The following CPQ variants were observed in gnomAD, a reference collection of about 807,000 sequenced individuals.
CPQ encodes the protein carboxypeptidase Q, also known as Ser-Met dipeptidase.
A neutral mutation model predicts 45.7 loss-of-function variants in CPQ; 37 were observed. That is an observed-to-expected ratio of 0.81 (90% confidence interval 0.62 to 1.07). The LOEUF (loss-of-function observed/expected upper bound fraction) is 1.07. CPQ is among the 50% of genes least tolerant of loss of function. CPQ has a pLI of 0.00. For synonymous variants in CPQ, 186 were observed against 205.8 expected (o/e 0.90, Z 0.82); for missense variants, 537 against 572.9 (o/e 0.94, Z 0.64).
chr8:96,663,762 TTG>T (rs1347156461), intron 1 of CPQ, among the ~76,000 whole-genome samples: 2 of 151,660 alleles, frequency 1.3e-5, no homozygotes, highest in Admixed American at 6.6e-5. Context: ...AGGTGTGTGT[TTG>T]TGTGTGTGTG....
chr8:97,117,478 GCTAGGAGAGACC>G (rs1365817564), intron 7 of CPQ, among the ~76,000 whole-genome samples: 2 of 152,060 alleles, frequency 1.3e-5, no homozygotes, highest in Non-Finnish European at 2.9e-5. Context: ...TTCCAATAGA[GCTAGGAGAGACC>G]CTAGAAATCA....
rs1554573253 is a variant in CPQ at position 96,854,557 on chromosome 8, A to AAAAAC, written c.641+19379_641+19380insAACAA. 3.5e-3 allele frequency among the ~76,000 whole-genome samples: 272 copies of AAAAAC among 76,876 alleles called. 48 individuals carry two copies. The highest frequency in any genetic ancestry group is 0.01 in the African/African-American group (205 of 20,034). The allele number at this position is 76,876 out of a possible 152,430, so 50.4% of individuals were successfully genotyped here. On this transcript the variant is annotated intron_variant, in intron 3 of 7. Coordinates refer to ENST00000220763, the MANE Select transcript of CPQ (RefSeq NM_016134.4). ...AAAAAAAAAAAAAAAAAAAAAAAAA[A>AAAAAC]AATGTGGTGGAACTAAAAGCCCAGT...
intron 2 of CPQ, among the ~76,000 whole-genome samples, chr8:96,809,787 T>A (rs949450364): frequency 6.6e-6 from 1 of 152,080 alleles, no homozygotes; most frequent in Admixed American, 6.6e-5. Context: ...AGTTCCCTCA[T>A]GAAAAAAATA....
intron 6 of CPQ, among the ~76,000 whole-genome samples, chr8:97,057,042 A>G (rs553423309): frequency 6.6e-6 from 1 of 152,278 alleles, no homozygotes; most frequent in East Asian, 1.9e-4. Context: ...CTTCATATAT[A>G]GATACCCTCA....
chr8:96,843,049 G>A (rs944950279), intron 3 of CPQ, among the ~76,000 whole-genome samples: 1 of 152,012 alleles, frequency 6.6e-6, no homozygotes, highest in Non-Finnish European at 1.5e-5. Flanking sequence ...GGGATTACAG[G>A]CACCCGCCAC....
chr8:97,124,566 A>T (rs1201350587), intron 7 of CPQ, among the ~76,000 whole-genome samples: 2 of 152,236 alleles, frequency 1.3e-5, no homozygotes, highest in Non-Finnish European at 2.9e-5. Flanking sequence ...GATTAAAATT[A>T]TATGAGGTCT....
intron 5 of CPQ, among the ~76,000 whole-genome samples, chr8:96,993,636 A>G (rs866335182): frequency 1.6e-4 from 24 of 152,258 alleles, no homozygotes; most frequent in Admixed American, 5.2e-4. Flanking sequence ...TGAGCTAAAC[A>G]CTAAGCCTGT....
At chr8:96,879,313 A>G (rs367795230) in intron 3 of CPQ, among the ~76,000 whole-genome samples, 109 of 152,340 alleles carry the variant, frequency 7.2e-4, no homozygotes, top group African/African-American at 2.5e-3. Context: ...TCTACCACCA[A>G]TGTGGAGTTA....
chr8:96,888,362 T>C (rs1403477335), intron 4 of CPQ, among the ~76,000 whole-genome samples: 2 of 152,124 alleles, frequency 1.3e-5, no homozygotes, highest in Non-Finnish European at 2.9e-5. Context: ...GGAGGAACTT[T>C]GTCTGAAAAA....
intron 4 of CPQ, among the ~76,000 whole-genome samples, chr8:96,918,468 C>A (rs1342491115): frequency 6.6e-6 from 1 of 152,044 alleles, no homozygotes; most frequent in Admixed American, 6.6e-5. Context: ...CCATTTCTCA[C>A]CCTATAAGAC....
chr8:96,992,049 ATATC>A (rs1809102895), intron 5 of CPQ, among the ~76,000 whole-genome samples: 2 of 152,168 alleles, frequency 1.3e-5, no homozygotes, highest in African/African-American at 2.4e-5. Context: ...GATTGATTCT[ATATC>A]CCTTGATGGG....
At chr8:96,718,709 G>T (rs1308968042) in intron 1 of CPQ, among the ~76,000 whole-genome samples, 2 of 152,252 alleles carry the variant, frequency 1.3e-5, no homozygotes, top group East Asian at 1.9e-4. Context: ...TGGTAGAGCC[G>T]AGTGGTCTGT....
chr8:96,708,739 A>G (rs1298446967), intron 1 of CPQ, among the ~76,000 whole-genome samples: 1 of 152,126 alleles, frequency 6.6e-6, no homozygotes, highest in Non-Finnish European at 1.5e-5. Flanking sequence ...TAGCCTTTAC[A>G]ATCACCACAG....
At chr8:96,926,217 G>A (rs1392452627) in intron 4 of CPQ, among the ~76,000 whole-genome samples, 1 of 152,096 alleles carries the variant, frequency 6.6e-6, no homozygotes, top group Non-Finnish European at 1.5e-5. Flanking sequence ...CAGCCTTCTG[G>A]TTGTCCAGTT....
intron 1 of CPQ, among the ~76,000 whole-genome samples, chr8:96,777,812 T>A (rs1810636057): frequency 8.4e-6 from 1 of 118,922 alleles, no homozygotes; most frequent in Admixed American, 1.1e-4. Flanking sequence ...CACTGCAAAC[T>A]CTGCCTCCCT....
At chr8:96,962,582 C>T (rs748221176) in intron 4 of CPQ, among the ~76,000 whole-genome samples, 5 of 152,186 alleles carry the variant, frequency 3.3e-5, no homozygotes, top group Non-Finnish European at 5.9e-5. Flanking sequence ...GTTTGTCTAA[C>T]TCAGATCCAA....
intron 1 of CPQ, among the ~76,000 whole-genome samples, chr8:96,749,214 T>G (rs1452528835): frequency 6.6e-6 from 1 of 152,206 alleles, no homozygotes; most frequent in Non-Finnish European, 1.5e-5. Context: ...CCGTCTTACC[T>G]TTATTCTGTA....
At chr8:96,761,681 C>A (rs892015409) in intron 1 of CPQ, among the ~76,000 whole-genome samples, 1 of 152,166 alleles carries the variant, frequency 6.6e-6, no homozygotes, top group Non-Finnish European at 1.5e-5. Context: ...CATCTCTAAG[C>A]CTCTTTCTCA....
At chr8:97,123,221 T>TAA (rs1437386274) in intron 7 of CPQ, among the ~76,000 whole-genome samples, 9 of 108,206 alleles carry the variant, frequency 8.3e-5, no homozygotes, top group African/African-American at 2.4e-4. Context: ...TAAAATAAAA[T>TAA]AAAATAAAAT....
Sources: allele counts gnomAD v4.1 joint callset (sites outside exome capture counted in the v4.1 genomes callset), GRCh38; gene constraint gnomAD v4.1.1; transcripts MANE v1.5; gene names NCBI Gene and HGNC (gene_info 2026-07-23, HGNC 2026-07-21).